Variants in ATP2A2 observed in about 807,000 individuals in gnomAD.
The protein encoded by ATP2A2 is sarcoplasmic/endoplasmic reticulum calcium ATPase 2.
In ATP2A2, 14 loss-of-function variants were observed where a neutral mutation model predicts 109.3. The observed-to-expected ratio is 0.13, with a 90% CI of 0.08 to 0.20. ATP2A2 has a LOEUF of 0.20. ATP2A2 is among the 10% of genes least tolerant of loss of function. The pLI is 1.00. For synonymous variants in ATP2A2, 506 were observed against 490.9 expected (o/e 1.03, Z -0.41); for missense variants, 657 against 1,321.6 (o/e 0.50, Z 7.80).
chr12:110,324,336 A>G (rs998209163), intron 6 of ATP2A2, among the ~76,000 whole-genome samples: 3 of 152,210 alleles, frequency 2.0e-5, no homozygotes, highest in South Asian at 2.1e-4. Flanking sequence ...CTGGAGGCCA[A>G]TTAAGCCATA....
intron 17 of ATP2A2, 70 bp from the exon 18 acceptor site, chr12:110,345,179 G>C: frequency 6.2e-7 from 1 of 1,609,880 alleles, no homozygotes; most frequent in Non-Finnish European, 8.5e-7. Flanking sequence ...TGCTAGGCTT[G>C]GTATGGGGTT....
intron 8 of ATP2A2, 189 bp from the exon 9 acceptor site, chr12:110,332,406 AAT>A: frequency 1.6e-6 from 1 of 624,822 alleles, no homozygotes; most frequent in South Asian, 1.8e-5. Flanking sequence ...GAAGCAGTCT[AAT>A]ATAATTAAGC....
In ATP2A2 at chr12:110,348,351, T is replaced by C. The variant is rs1880082742; in HGVS notation, c.*1881T>C. ...AAGCACAGTTAGTAGGACGTGGCTC[T>C]GCACAGCCCAAAAACCAGCTTACTC... On this transcript the variant is annotated 3_prime_UTR_variant, in exon 20 of 20. Transcript: ENST00000539276. 2.0e-6 allele frequency: 2 copies of C among 985,368 alleles called. No individual in the cohort carries two copies. The highest frequency in any genetic ancestry group is 2.4e-6 in the Non-Finnish European group (2 of 829,946). 61.0% of individuals were successfully genotyped at this position (985,368 alleles called of 1,614,324 possible).
At chr12:110,296,447 C>T in intron 4 of ATP2A2, 152 bp from the exon 5 acceptor site, 1 of 973,298 alleles carries the variant, frequency 1.0e-6, no homozygotes, top group Non-Finnish European at 1.6e-6. Flanking sequence ...GTCCTTGTGT[C>T]TGTTGCCTTA....
intron 5 of ATP2A2, among the ~76,000 whole-genome samples, chr12:110,321,850 C>G (rs1263487297): frequency 6.6e-6 from 1 of 152,152 alleles, no homozygotes; most frequent in Admixed American, 6.5e-5. Flanking sequence ...TGGAATTTCA[C>G]TTTGTACACA....
At chr12:110,320,341 C>T (rs1361201660) in intron 5 of ATP2A2, among the ~76,000 whole-genome samples, 2 of 152,130 alleles carry the variant, frequency 1.3e-5, no homozygotes, top group East Asian at 1.9e-4. Context: ...GATTGACGAC[C>T]GCTATCTCAC....
chr12:110,306,102 G>GA (rs1176973208), intron 5 of ATP2A2, among the ~76,000 whole-genome samples: 1 of 152,096 alleles, frequency 6.6e-6, no homozygotes, highest in African/African-American at 2.4e-5. Flanking sequence ...GCAGTGGCAC[G>GA]ATCTCTGCTC....
intron 8 of ATP2A2, chr12:110,330,088 C>G (rs1169849089): frequency 3.3e-5 from 5 of 152,152 alleles, no homozygotes; most frequent in African/African-American, 1.2e-4. Flanking sequence ...TTACATTTTC[C>G]TAGAATGGGC....
intron 5 of ATP2A2, among the ~76,000 whole-genome samples, chr12:110,321,528 T>G: frequency 6.6e-6 from 1 of 152,172 alleles, no homozygotes; most frequent in Non-Finnish European, 1.5e-5. Flanking sequence ...TGGAATGTAG[T>G]GGTGTGAACT....
Position 110,293,826 on chromosome 12 carries a change from ATGTGTGTG to A in ATP2A2, c.324+1734_324+1741del, listed in dbSNP as rs59260681. On this transcript the variant is annotated intron_variant, in intron 4 of 19. Transcript: ENST00000539276. ...AGAGATTTGTAATTGTGCCATATAT[ATGTGTGTG>A]TGTGTGTGTGTGTGTGTGTGTGTGT... is the stretch of plus-strand genomic sequence containing the variant. 1.9e-3 allele frequency among the ~76,000 whole-genome samples: 205 copies of A among 108,574 alleles called. 1 individual carries two copies. The highest frequency in any genetic ancestry group is 8.4e-3 in the East Asian group (29 of 3,456). The allele number at this position is 108,574 out of a possible 152,430, so 71.2% of individuals were successfully genotyped here.
chr12:110,306,574 C>T (rs1344679052), intron 5 of ATP2A2, among the ~76,000 whole-genome samples: 1 of 152,080 alleles, frequency 6.6e-6, no homozygotes, highest in East Asian at 1.9e-4. Context: ...GCTATGTGTA[C>T]TCAGTGTTTA....
intron 3 of ATP2A2, among the ~76,000 whole-genome samples, chr12:110,285,104 A>G (rs575387517): frequency 7.2e-5 from 11 of 152,154 alleles, no homozygotes; most frequent in Middle Eastern, 3.4e-3. Context: ...GTCATGCTTA[A>G]ATTAAAAAGA....
At position 110,348,852 on chromosome 12, in the gene ATP2A2, G is replaced by A. The variant is rs1168210144; in HGVS notation, c.*2382G>A. On this transcript the variant is annotated 3_prime_UTR_variant, in exon 20 of 20. Coordinates refer to ENST00000539276, the MANE Select transcript of ATP2A2 (RefSeq NM_170665.4). ...GCATCATGAGGTGTAACAAGAAATGGGTTGAATGGGCCAAATGCAAGGAGT... is the reference window on the plus strand; with the variant it reads ...GCATCATGAGGTGTAACAAGAAATGAGTTGAATGGGCCAAATGCAAGGAGT... The A allele has an allele frequency of 2.0e-6, 2 of 985,350 alleles. No homozygotes were observed. The highest frequency in any genetic ancestry group is 6.1e-5 in the Admixed American group (1 of 16,278). The allele number at this position is 985,350 out of a possible 1,614,324, so 61.0% of individuals were successfully genotyped here. A position where few individuals can be genotyped will look rare whatever the true frequency, so the allele number is the denominator to read the frequency against.
chr12:110,313,644 C>G (rs1876343845), intron 5 of ATP2A2, among the ~76,000 whole-genome samples: 1 of 151,396 alleles, frequency 6.6e-6, no homozygotes, highest in Admixed American at 6.6e-5. Context: ...AGCATTAACA[C>G]CAAACCACCT....
Position 110,345,281 on chromosome 12 carries a change from G to A in ATP2A2, c.2640G>A (p.Pro880=), listed in dbSNP as rs147309970. The change falls in exon 18 of 20, where the codon CCG becomes CCA. Residue 880 remains proline, a synonymous_variant. Coordinates refer to ENST00000539276, the MANE Select transcript of ATP2A2 (RefSeq NM_170665.4). ...SHFLQCKEDN[P]DFEGVDCAIF... ...TCCTACAGTGTAAAGAGGACAACCCGGACTTTGAAGGCGTGGATTGTGCAA... is the reference window on the plus strand; with the variant it reads ...TCCTACAGTGTAAAGAGGACAACCCAGACTTTGAAGGCGTGGATTGTGCAA... 3.4e-5 allele frequency: 55 copies of A among 1,614,006 alleles called. No individual in the cohort carries two copies. The highest frequency in any genetic ancestry group is 3.3e-4 in the Middle Eastern group (2 of 6,084).
chr12:110,303,715 C>T (rs866252100), intron 5 of ATP2A2, among the ~76,000 whole-genome samples: 1 of 151,988 alleles, frequency 6.6e-6, no homozygotes, highest in African/African-American at 2.4e-5. Context: ...CGCCCAGCCA[C>T]GCCTGGCTAA....
At chr12:110,307,982 CA>C (rs1875568096) in intron 5 of ATP2A2, among the ~76,000 whole-genome samples, 1 of 152,164 alleles carries the variant, frequency 6.6e-6, no homozygotes, top group South Asian at 2.1e-4. Context: ...TGAGGCCTTA[CA>C]TTTAAGTCTT....
chr12:110,340,718 C>T lies in ATP2A2; in HGVS notation c.1821C>T (p.Ala607=), dbSNP rs775109516. 1 of 1,614,072 alleles carries T rather than the reference C, an allele frequency of 6.2e-7. No individual in the cohort carries two copies. Among genetic ancestry groups the T allele is most frequent in the South Asian group, 1.1e-5 (1 of 91,072 alleles). ...GMLDPPRIEV[A]SSVKLCRQAG... is the part of the protein sequence containing the mutation. Reference sequence around the variant, plus strand: ...TGGATCCTCCGAGAATCGAGGTGGCCTCCTCCGTGAAGCTGTGCCGGCAAG... The same window carrying T: ...TGGATCCTCCGAGAATCGAGGTGGCTTCCTCCGTGAAGCTGTGCCGGCAAG... The change falls in exon 14 of 20, where the codon GCC becomes GCT. Residue 607 remains alanine, a synonymous_variant. Transcript: ENST00000539276. The surrounding 1 kb of genome is among the most constrained non-coding windows in gnomAD (Gnocchi z 6.0).
chr12:110,334,395 T>A, intron 11 of ATP2A2: 1 of 511,306 alleles, frequency 2.0e-6, no homozygotes, highest in Admixed American at 3.1e-5. Flanking sequence ...TCTCCCATAG[T>A]GCTGTGAACA....
Sources: allele counts gnomAD v4.1 joint callset (sites outside exome capture counted in the v4.1 genomes callset), GRCh38; gene constraint gnomAD v4.1.1; non-coding constraint Gnocchi (gnomAD v3.1); transcripts MANE v1.5; gene names NCBI Gene and HGNC (gene_info 2026-07-23, HGNC 2026-07-21).